PHKB: variants seen among roughly 807,000 people sequenced by gnomAD.
The protein encoded by PHKB is phosphorylase b kinase regulatory subunit beta.
PHKB carries 122 observed loss-of-function variants against 152.1 expected under a neutral mutation model. The observed-to-expected ratio is 0.80, with a 90% CI of 0.69 to 0.93. The LOEUF (loss-of-function observed/expected upper bound fraction) is 0.93. Ranked by LOEUF, PHKB falls within the 40% of genes least tolerant of loss-of-function variation. The pLI, the probability that PHKB is intolerant of heterozygous loss-of-function variation, is 0.00. For synonymous variants in PHKB, 436 were observed against 464.9 expected (o/e 0.94, Z 0.80); for missense variants, 1,304 against 1,328.4 (o/e 0.98, Z 0.29).
intron 26 of PHKB, among the ~76,000 whole-genome samples, chr16:47,682,382 C>T (rs796664205): frequency 1.1e-4 from 16 of 152,170 alleles, no homozygotes; most frequent in African/African-American, 2.9e-4. Flanking sequence ...CCATTCTCCC[C>T]GTCACTTTCA....
chr16:47,699,481 A>G lies in PHKB; in HGVS notation c.*115A>G. Reference sequence around the variant, plus strand: ...ACGAACTGAGCATGCTGGGGAGGTGAATGCCACATCCTTGGCGGGGTTATG... The same window carrying G: ...ACGAACTGAGCATGCTGGGGAGGTGGATGCCACATCCTTGGCGGGGTTATG... On this transcript the variant is annotated 3_prime_UTR_variant, in exon 31 of 31. Coordinates refer to ENST00000323584, the MANE Select transcript of PHKB (RefSeq NM_000293.3). 1 of 1,172,216 alleles carries G rather than the reference A, an allele frequency of 8.5e-7. No individual in the cohort carries two copies. Among genetic ancestry groups the G allele is most frequent in the South Asian group, 1.2e-5 (1 of 81,890 alleles). 72.6% of individuals were successfully genotyped at this position (1,172,216 alleles called of 1,614,324 possible). A position where few individuals can be genotyped will look rare whatever the true frequency, so the allele number is the denominator to read the frequency against.
intron 14 of PHKB, chr16:47,619,417 C>A (rs1972579365): frequency 6.6e-6 from 1 of 152,134 alleles, no homozygotes; most frequent in Non-Finnish European, 1.5e-5. Context: ...AAAGATGCCC[C>A]ATCAGTACAA....
At chr16:47,613,421 G>A (rs1286204989) in intron 14 of PHKB, among the ~76,000 whole-genome samples, 2 of 152,058 alleles carry the variant, frequency 1.3e-5, no homozygotes, top group Non-Finnish European at 2.9e-5. Context: ...ACTAAAGGTC[G>A]GTTATGTAGG....
rs377396658 is a variant in PHKB, at chr16:47,461,343, G to C, written c.-8G>C. 1.5e-4 allele frequency: 240 copies of C among 1,606,940 alleles called. 2 individuals are homozygous for C. The highest frequency in any genetic ancestry group is 1.5e-4 in the Non-Finnish European group (182 of 1,177,122). On this transcript the variant is annotated 5_prime_UTR_variant, in exon 1 of 31. Coordinates refer to ENST00000323584, the MANE Select transcript of PHKB (RefSeq NM_000293.3). ...GGGGGCGGTGGCCAAGGCGGCGACC[G>C]GAGCGCGATGGCGGGGGCGGCGGGA...
intron 7 of PHKB, among the ~76,000 whole-genome samples, chr16:47,558,708 C>T (rs1375730953): frequency 1.3e-5 from 2 of 152,176 alleles, no homozygotes; most frequent in African/African-American, 4.8e-5. Context: ...GCTACCAAGC[C>T]TGGAGAATAT....
chr16:47,479,124 G>A (rs929021840), intron 1 of PHKB, among the ~76,000 whole-genome samples: 10 of 152,158 alleles, frequency 6.6e-5, no homozygotes, highest in African/African-American at 2.4e-4. Flanking sequence ...ACTGTCGGGG[G>A]AGTTAGGGGA....
intron 26 of PHKB, among the ~76,000 whole-genome samples, chr16:47,669,821 A>G (rs1973607946): frequency 1.3e-5 from 2 of 152,256 alleles, no homozygotes; most frequent in Admixed American, 1.3e-4. Context: ...TCCTTTTAAG[A>G]ATATTCTATA....
chr16:47,623,885 C>A (rs1972663194), intron 14 of PHKB, among the ~76,000 whole-genome samples: 1 of 152,044 alleles, frequency 6.6e-6, no homozygotes, highest in Non-Finnish European at 1.5e-5. Context: ...TATAGATAAA[C>A]CTTAATTGCT....
intron 17 of PHKB, 92 bp from the exon 18 acceptor site, chr16:47,649,008 A>T: frequency 1.3e-6 from 1 of 772,754 alleles, no homozygotes; most frequent in Non-Finnish European, 2.4e-6. Flanking sequence ...AGAATTAGAC[A>T]TCAGTTTTTA....
intron 12 of PHKB, among the ~76,000 whole-genome samples, chr16:47,594,786 C>T (rs1972089749): frequency 6.6e-6 from 1 of 152,138 alleles, no homozygotes; most frequent in African/African-American, 2.4e-5. Flanking sequence ...CCTCAAAAAA[C>T]ATAGCTGAAT....
intron 6 of PHKB, among the ~76,000 whole-genome samples, chr16:47,527,517 T>A (rs1970788721): frequency 6.6e-6 from 1 of 151,890 alleles, no homozygotes; most frequent in African/African-American, 2.4e-5. Context: ...TAAGTAGAGA[T>A]TAAAAGAGAA....
chr16:47,618,833 A>C (rs1597128490), intron 14 of PHKB, among the ~76,000 whole-genome samples: 1 of 152,218 alleles, frequency 6.6e-6, no homozygotes, highest in Non-Finnish European at 1.5e-5. Context: ...AAGCTGTGCC[A>C]TTAAGACTGA....
At chr16:47,553,124 G>A (rs1597079655) in intron 7 of PHKB, among the ~76,000 whole-genome samples, 1 of 152,114 alleles carries the variant, frequency 6.6e-6, no homozygotes, top group African/African-American at 2.4e-5. Context: ...ATCTCGAAGA[G>A]TGTTTTCCAG....
chr16:47,567,173 T>C (rs915869732), intron 7 of PHKB, among the ~76,000 whole-genome samples: 7 of 152,208 alleles, frequency 4.6e-5, no homozygotes, highest in African/African-American at 1.7e-4. Context: ...AATCTATAGA[T>C]TGCTTTGGGC....
chr16:47,494,604 T>C (rs1970201964), intron 1 of PHKB, among the ~76,000 whole-genome samples: 1 of 152,228 alleles, frequency 6.6e-6, no homozygotes, highest in South Asian at 2.1e-4. Context: ...CTGAGCTATT[T>C]TTCTCCTATC....
At chr16:47,695,169 G>A (rs1047189368) in intron 28 of PHKB, among the ~76,000 whole-genome samples, 20 of 152,084 alleles carry the variant, frequency 1.3e-4, no homozygotes, top group African/African-American at 4.8e-4. Flanking sequence ...TAACTTCTCT[G>A]CTACACTACT....
chr16:47,576,653 A>G (rs779534208), intron 7 of PHKB, among the ~76,000 whole-genome samples: 2 of 152,152 alleles, frequency 1.3e-5, no homozygotes, highest in Non-Finnish European at 2.9e-5. Context: ...GCGCATACAC[A>G]TTTAGGATTG....
At chr16:47,628,156 C>T (rs890209203) in intron 14 of PHKB, among the ~76,000 whole-genome samples, 1 of 152,178 alleles carries the variant, frequency 6.6e-6, no homozygotes, top group African/African-American at 2.4e-5. Flanking sequence ...CCTTCTCTCC[C>T]TCCTCCCTTG....
intron 13 of PHKB, among the ~76,000 whole-genome samples, chr16:47,610,214 T>C (rs1363765195): frequency 6.8e-6 from 1 of 147,674 alleles, no homozygotes; most frequent in Non-Finnish European, 1.5e-5. Flanking sequence ...TTTCACCATG[T>C]TGGCCAGGCT....
Sources: gnomAD v4.1 joint callset for allele counts (sites outside exome capture counted in the v4.1 genomes callset) on GRCh38, gnomAD v4.1.1 for gene constraint, MANE v1.5 for transcripts, NCBI Gene and HGNC (gene_info 2026-07-23, HGNC 2026-07-21) for gene names.